The following ANKS1B variants were observed in gnomAD, a reference collection of about 807,000 sequenced individuals.
ANKS1B encodes the protein ankyrin repeat and sterile alpha motif domain-containing protein 1B.
A neutral mutation model predicts 148.3 loss-of-function variants in ANKS1B; 36 were observed. The observed-to-expected ratio is 0.24, with a 90% CI of 0.19 to 0.32. ANKS1B has a LOEUF of 0.32. Among genes scored for constraint, ANKS1B ranks in the 10% least tolerant of loss-of-function variants. The pLI is 1.00. For missense variants in ANKS1B, 1,157 were observed against 1,542.6 expected, an observed-to-expected ratio of 0.75 and a Z score of 4.19; for synonymous variants, 542 against 560.8, an observed-to-expected ratio of 0.97 and a Z score of 0.47.
chr12:99,218,921 A>G (rs1317547240), intron 14 of ANKS1B, among the ~76,000 whole-genome samples: 3 of 152,222 alleles, frequency 2.0e-5, no homozygotes, highest in Non-Finnish European at 2.9e-5. Flanking sequence ...GCACCTCCTA[A>G]CCATTTTCTG....
At chr12:99,620,989 AT>A (rs1182027856) in intron 9 of ANKS1B, among the ~76,000 whole-genome samples, 1 of 152,142 alleles carries the variant, frequency 6.6e-6, no homozygotes, top group Non-Finnish European at 1.5e-5. Flanking sequence ...TAAAGAAAAA[AT>A]CTTAAAGGCA....
intron 8 of ANKS1B, among the ~76,000 whole-genome samples, chr12:99,722,822 G>C (rs938139132): frequency 6.6e-6 from 1 of 152,334 alleles, no homozygotes; most frequent in Non-Finnish European, 1.5e-5. Context: ...TGGCAACTGA[G>C]GTATCCAGGT....
chr12:98,778,524 G>A (rs1221493410), intron 24 of ANKS1B, among the ~76,000 whole-genome samples: 1 of 152,198 alleles, frequency 6.6e-6, no homozygotes, highest in Non-Finnish European at 1.5e-5. Flanking sequence ...GGAAATCCCT[G>A]GTGAAAACAG....
intron 12 of ANKS1B, among the ~76,000 whole-genome samples, chr12:99,345,849 A>G (rs1365953508): frequency 6.6e-6 from 1 of 152,022 alleles, no homozygotes; most frequent in Admixed American, 6.6e-5. Flanking sequence ...TGAGCCTAAA[A>G]AAAATGCTCT....
chr12:99,984,191 A>G lies in ANKS1B; in HGVS notation c.47T>C (p.Val16Ala), dbSNP rs369625121. The change falls in exon 1 of 27, where the codon GTG (valine) becomes GCG (alanine). Residue 16 changes from valine to alanine, a missense_variant. Around this residue, in one of 6 missense-constraint regions of ANKS1B, gnomAD observed 164 missense variants for 232.6 expected, o/e 0.71. Coordinates refer to ENST00000683438, the MANE Select transcript of ANKS1B (RefSeq NM_001352186.2). ...ELLEAARTGN[V>A]ALVEKLLSGR... ...AGACAGGAGTTTCTCCACCAGAGCC[A>G]CATTTCCAGTGCGAGCAGCTTCCAG... The G allele has an allele frequency of 6.2e-7, 1 of 1,613,856 alleles. No homozygotes were observed. The highest frequency in any genetic ancestry group is 8.5e-7 in the Non-Finnish European group (1 of 1,179,842).
intron 2 of ANKS1B, among the ~76,000 whole-genome samples, chr12:99,823,968 C>T (rs912745618): frequency 2.6e-5 from 4 of 152,064 alleles, no homozygotes; most frequent in African/African-American, 7.2e-5. Flanking sequence ...TGTACCAGTA[C>T]CATGCTGTTT....
chr12:99,151,567 T>C (rs2074932836), intron 15 of ANKS1B, among the ~76,000 whole-genome samples: 1 of 151,640 alleles, frequency 6.6e-6, no homozygotes, highest in Non-Finnish European at 1.5e-5. Context: ...AACTGGGGTC[T>C]TTCTTTTCTA....
chr12:98,822,762 A>G (rs1469807476), intron 19 of ANKS1B, among the ~76,000 whole-genome samples: 1 of 152,138 alleles, frequency 6.6e-6, no homozygotes, highest in Non-Finnish European at 1.5e-5. Flanking sequence ...ATCAGAATCA[A>G]CTCTGGCTAA....
intron 12 of ANKS1B, among the ~76,000 whole-genome samples, chr12:99,377,350 T>A (rs1271245893): frequency 6.6e-6 from 1 of 152,146 alleles, no homozygotes; most frequent in Non-Finnish European, 1.5e-5. Context: ...CAGCATATCA[T>A]TCTTGAACAA....
At chr12:99,487,833 T>G (rs1481336218) in intron 10 of ANKS1B, among the ~76,000 whole-genome samples, 1 of 152,164 alleles carries the variant, frequency 6.6e-6, no homozygotes, top group East Asian at 1.9e-4. Context: ...ATATGTCTAT[T>G]AAATCAAGCT....
intron 12 of ANKS1B, among the ~76,000 whole-genome samples, chr12:99,374,829 C>T (rs939276276): frequency 1.3e-5 from 2 of 152,022 alleles, no homozygotes; most frequent in Non-Finnish European, 2.9e-5. Flanking sequence ...AATTTGTTTA[C>T]TTATTTATTT....
chr12:99,325,550 C>T (rs908786165), intron 12 of ANKS1B, among the ~76,000 whole-genome samples: 3 of 150,432 alleles, frequency 2.0e-5, no homozygotes, highest in Non-Finnish European at 2.9e-5. Flanking sequence ...GAAACAACAG[C>T]GAATGCCATA....
intron 15 of ANKS1B, among the ~76,000 whole-genome samples, chr12:99,120,003 T>A (rs1200386221): frequency 6.6e-6 from 1 of 152,204 alleles, no homozygotes; most frequent in Non-Finnish European, 1.5e-5. Context: ...GAAATATTAA[T>A]GAAAAGGAAG....
At chr12:99,338,680 G>GTT (rs2089393010) in intron 12 of ANKS1B, among the ~76,000 whole-genome samples, 2 of 152,176 alleles carry the variant, frequency 1.3e-5, no homozygotes, top group African/African-American at 4.8e-5. Flanking sequence ...CACGTGGCAA[G>GTT]TACTGCCTGG....
chr12:98,970,471 C>T (rs2099882250), intron 17 of ANKS1B, among the ~76,000 whole-genome samples: 1 of 152,122 alleles, frequency 6.6e-6, no homozygotes, highest in Non-Finnish European at 1.5e-5. Context: ...TCAGTGACTG[C>T]CTGAATGAAA....
intron 12 of ANKS1B, among the ~76,000 whole-genome samples, chr12:99,250,835 T>C (rs1490825043): frequency 1.3e-5 from 2 of 152,260 alleles, no homozygotes; most frequent in Non-Finnish European, 2.9e-5. Flanking sequence ...AATGAAATCA[T>C]AGAATAATAA....
At chr12:98,756,038 G>A (rs937951449) in intron 25 of ANKS1B, among the ~76,000 whole-genome samples, 5 of 152,150 alleles carry the variant, frequency 3.3e-5, no homozygotes, top group African/African-American at 1.2e-4. Flanking sequence ...TACTCTGGGG[G>A]AATTAGTCAT....
At chr12:98,843,336 G>A (rs1447093463) in intron 17 of ANKS1B, among the ~76,000 whole-genome samples, 1 of 152,238 alleles carries the variant, frequency 6.6e-6, no homozygotes, top group Non-Finnish European at 1.5e-5. Flanking sequence ...GTTCCTGCAA[G>A]AGTGGGTTGT....
Position 99,053,439 on chromosome 12 carries a change from G to T in ANKS1B, c.2626-130C>A, listed in dbSNP as rs955368583. ...TTCTGGAGACGGAAACAAGGAAAAAGAAAACACTTTCTGATGTGTTTTCAC... is the reference window on the plus strand; with the variant it reads ...TTCTGGAGACGGAAACAAGGAAAAATAAAACACTTTCTGATGTGTTTTCAC... On this transcript the variant is annotated intron_variant, in intron 16 of 26. Coordinates refer to ENST00000683438, the MANE Select transcript of ANKS1B (RefSeq NM_001352186.2). 1.5e-5 allele frequency: 10 copies of T among 672,398 alleles called. No homozygotes were observed. The African/African-American group carries it at 1.9e-4, about 13-fold the overall frequency. 41.7% of individuals were successfully genotyped at this position (672,398 alleles called of 1,614,324 possible).
Sources: gnomAD v4.1 joint callset for allele counts (sites outside exome capture counted in the v4.1 genomes callset) on GRCh38, gnomAD v4.1.1 for gene constraint, gnomAD v4.1.1 regional missense constraint, MANE v1.5 for transcripts, NCBI Gene and HGNC (gene_info 2026-07-23, HGNC 2026-07-21) for gene names.